The following USP42 variants were observed in gnomAD, a reference collection of about 807,000 sequenced individuals.
USP42 encodes ubiquitin carboxyl-terminal hydrolase 42.
USP42 carries 23 observed loss-of-function variants against 113.0 expected under a neutral mutation model. The ratio of observed to expected loss-of-function variants is 0.20; its 90% CI spans 0.15 to 0.29. The LOEUF (loss-of-function observed/expected upper bound fraction) is 0.29. USP42 is among the 10% of genes least tolerant of loss of function. The probability of loss-of-function intolerance (pLI) is 1.00; values close to 1 mark genes in which losing one functional copy is unlikely to be tolerated. For synonymous variants in USP42, 933 were observed against 699.0 expected (o/e 1.33, Z -5.28); for missense variants, 2,174 against 1,779.8 (o/e 1.22, Z -3.99).
At chr7:6,123,026 G>A (rs550476802) in intron 3 of USP42, among the ~76,000 whole-genome samples, 262 of 150,986 alleles carry the variant, frequency 1.7e-3, no homozygotes, top group African/African-American at 6.0e-3. Flanking sequence ...GGTTTCGCCC[G>A]TGTTGGCTAG....
Position 6,139,065 on chromosome 7 carries a change from A to G in USP42, c.554-27A>G, listed in dbSNP as rs1461006655. On this transcript the variant is annotated intron_variant, in intron 4 of 17. Transcript: ENST00000306177. This position sits in a 1 kb window ranked among gnomAD's most constrained non-coding sequence, Gnocchi z 4.5. ...TTAGGCTTATTACGTGTAATGATAAAGCCTTGTCTTTACCGAAATTTTACA... is the reference window on the plus strand; with the variant it reads ...TTAGGCTTATTACGTGTAATGATAAGGCCTTGTCTTTACCGAAATTTTACA... 4.3e-5 allele frequency: 65 copies of G among 1,508,920 alleles called. No homozygotes were observed. Among genetic ancestry groups the G allele is most frequent in the Non-Finnish European group, 5.7e-5 (63 of 1,101,606 alleles). The allele number at this position is 1,508,920 out of a possible 1,614,324, so 93.5% of individuals were successfully genotyped here.
rs1782285127 is a variant in USP42 at position 6,154,418 on chromosome 7, G to A, written c.2864G>A (p.Ser955Asn). 2 of 1,575,206 alleles carry A rather than the reference G, an allele frequency of 1.3e-6. No homozygotes were observed. Among genetic ancestry groups the A allele is most frequent in the African/African-American group, 1.4e-5 (1 of 73,904 alleles). The change falls in exon 15 of 18, where the codon AGC (serine) becomes AAC (asparagine). Residue 955 changes from serine to asparagine, a missense_variant. Physicochemically the swap from Ser to Asn is conservative, Grantham distance 46 (BLOSUM62 1). Coordinates refer to ENST00000306177, the MANE Select transcript of USP42 (RefSeq NM_032172.3). ...AAGGTGGACCGAGGCCACTACCGCAGCCGGAGAGAGCGCTCGTCCAGCGGG... is the reference window on the plus strand; with the variant it reads ...AAGGTGGACCGAGGCCACTACCGCAACCGGAGAGAGCGCTCGTCCAGCGGG... ...LRKVDRGHYR[S>N]RRERSSSGEP...
intron 5 of USP42, 98 bp from the exon 6 acceptor site, chr7:6,140,030 C>G: frequency 8.9e-7 from 1 of 1,126,124 alleles, no homozygotes; most frequent in Non-Finnish European, 1.4e-6. Context: ...TGTTTGAATT[C>G]TTGATCTTTT....
At chr7:6,101,500 T>C (rs1043389360), upstream of USP42, among the ~76,000 whole-genome samples, 1 of 151,288 alleles carries the variant, frequency 6.6e-6, no homozygotes, top group Admixed American at 6.6e-5. Context: ...CAGCATTCAC[T>C]CTGGATTACA....
chr7:6,110,509 A>G (rs1289385677), intron 1 of USP42, among the ~76,000 whole-genome samples: 1 of 152,186 alleles, frequency 6.6e-6, no homozygotes, highest in Admixed American at 6.5e-5. Context: ...GATATCAGTA[A>G]TGGCTTACGG....
chr7:6,086,855 A>C, the USP42 span, among the ~76,000 whole-genome samples: 1 of 150,158 alleles, frequency 6.7e-6, no homozygotes, highest in Non-Finnish European at 1.5e-5. Context: ...CCTCCCGAGT[A>C]GCTGGAATTA....
rs777134190 is a variant in USP42 at position 6,147,911 on chromosome 7, A to T, written c.1386+19A>T. 6.4e-7 allele frequency: 1 copy of T among 1,568,080 alleles called. No individual in the cohort carries two copies. On this transcript the variant is annotated intron_variant, in intron 12 of 17. Transcript: ENST00000306177. The stretch of plus-strand genomic sequence containing the variant: ...GATAAAGGTAACAGTCCTTAGGGAG[A>T]AGAACATTTTTATGTTAATTTTTAA...
chr7:6,093,565 G>T, the USP42 span, among the ~76,000 whole-genome samples: 1 of 150,654 alleles, frequency 6.6e-6, no homozygotes, highest in Non-Finnish European at 1.5e-5. Flanking sequence ...TTACAGGCAT[G>T]TGCCTCTCTC....
intron 14 of USP42, chr7:6,152,923 G>A: frequency 1.0e-6 from 1 of 985,338 alleles, no homozygotes; most frequent in East Asian, 1.1e-4. Flanking sequence ...AGGAAAGGAG[G>A]AGGCCCTGTC....
At chr7:6,099,962 C>CAA (rs78427438), upstream of USP42, among the ~76,000 whole-genome samples, 1 of 134,614 alleles carries the variant, frequency 7.4e-6, no homozygotes, top group African/African-American at 2.9e-5. Flanking sequence ...GACTCCCTCT[C>CAA]AAAAAAAAAA....
In USP42 at chr7:6,111,378, C is replaced by G. The variant is rs781246103; in HGVS notation, c.241+4C>G. ...CCATCACCACAAAAGGATCAAGGTA[C>G]TGTTTTTCAAAAGAGAGAATTACCG... On this transcript the variant is annotated splice_donor_region_variant and intron_variant, in intron 2 of 17. Coordinates refer to ENST00000306177, the MANE Select transcript of USP42 (RefSeq NM_032172.3). 1.9e-6 allele frequency: 3 copies of G among 1,607,070 alleles called. No individual in the cohort carries two copies. Among genetic ancestry groups the G allele is most frequent in the South Asian group, 1.1e-5 (1 of 90,550 alleles).
intron 8 of USP42, 127 bp downstream of exon 8, chr7:6,143,141 C>T (rs887732204): frequency 7.1e-6 from 6 of 845,094 alleles, no homozygotes; most frequent in Admixed American, 2.3e-5. Context: ...GAAGACACTG[C>T]GTCCCTGTCG....
At chr7:6,128,604 C>T (rs1156906096) in intron 3 of USP42, among the ~76,000 whole-genome samples, 2 of 152,146 alleles carry the variant, frequency 1.3e-5, no homozygotes, top group Admixed American at 6.5e-5. Flanking sequence ...CTCTGCTGCT[C>T]TAGGCTGGGT....
intron 1 of USP42, among the ~76,000 whole-genome samples, chr7:6,108,573 C>T (rs554998531): frequency 3.3e-5 from 5 of 152,112 alleles, no homozygotes; most frequent in Admixed American, 6.6e-5. Flanking sequence ...CTCCACCTCC[C>T]GGGTTCAAGC....
At position 6,137,436 on chromosome 7, in the gene USP42, A is replaced by G. The variant is rs747226108; in HGVS notation, c.553+1485A>G. ...TGCAGTGGCACGATCTTGGCTCACT[A>G]CAACCTCTGCCTCTCAGGTTCAAGT... On this transcript the variant is annotated intron_variant, in intron 4 of 17. Coordinates refer to ENST00000306177, the MANE Select transcript of USP42 (RefSeq NM_032172.3). Among the ~76,000 whole-genome samples the G allele has an allele frequency of 2.0e-5, 3 of 151,864 alleles. No individual in the cohort carries two copies. In the East Asian group the frequency reaches 5.8e-4, roughly 30 times the overall value.
intron 3 of USP42, among the ~76,000 whole-genome samples, chr7:6,118,689 T>A (rs1780045757): frequency 6.6e-6 from 1 of 152,188 alleles, no homozygotes; most frequent in Non-Finnish European, 1.5e-5. Flanking sequence ...GCAAGTTTAT[T>A]TTTTTGCATA....
At chr7:6,091,978 TTTC>T in the USP42 span, among the ~76,000 whole-genome samples, 3,099 of 67,812 alleles carry the variant, frequency 0.046, 267 homozygotes, top group East Asian at 0.091. Context: ...GGACGTATTT[TTTC>T]TTCTTCTTCT....
At chr7:6,102,356 C>T (rs184928866), upstream of USP42, among the ~76,000 whole-genome samples, 1 of 150,506 alleles carries the variant, frequency 6.6e-6, no homozygotes, top group Admixed American at 6.6e-5. Flanking sequence ...TTGTGATCTG[C>T]CCGCCTCGGC....
intron 12 of USP42, among the ~76,000 whole-genome samples, chr7:6,148,446 C>G (rs1173230743): frequency 1.3e-5 from 2 of 152,216 alleles, no homozygotes; most frequent in African/African-American, 4.8e-5. Context: ...TAGGTCCCCT[C>G]TGGACTTCCA....
Sources: allele counts gnomAD v4.1 joint callset (sites outside exome capture counted in the v4.1 genomes callset), GRCh38; gene constraint gnomAD v4.1.1; non-coding constraint Gnocchi (gnomAD v3.1); transcripts MANE v1.5; gene names NCBI Gene and HGNC (gene_info 2026-07-23, HGNC 2026-07-21).